The following ZNF595 variants were observed in gnomAD, a reference collection of about 807,000 sequenced individuals.
The protein encoded by ZNF595 is zinc finger protein 595.
Under a neutral mutation model 19.4 loss-of-function variants are expected in ZNF595, and 9 were observed. The observed-to-expected ratio is 0.46, with a 90% CI of 0.28 to 0.81. ZNF595 has a LOEUF of 0.81. Ranked by LOEUF, ZNF595 falls within the 30% of genes least tolerant of loss-of-function variation. The probability of loss-of-function intolerance (pLI) is 0.11; values close to 1 mark genes in which losing one functional copy is unlikely to be tolerated. For synonymous variants in ZNF595, 255 were observed against 255.9 expected (o/e 1.00, Z 0.03); for missense variants, 729 against 736.0 (o/e 0.99, Z 0.11).
intron 3 of ZNF595, among the ~76,000 whole-genome samples, chr4:78,713 T>TTTTC (rs1302235351): frequency 6.6e-6 from 1 of 152,168 alleles, no homozygotes; most frequent in Admixed American, 6.5e-5. Context: ...AACTTAAACA[T>TTTTC]TTTCTTTCTT....
intron 3 of ZNF595, among the ~76,000 whole-genome samples, chr4:73,337 G>A (rs1043878301): frequency 7.2e-5 from 11 of 152,120 alleles, no homozygotes; most frequent in Admixed American, 2.0e-4. Flanking sequence ...CCTGTTCTTG[G>A]GAGGGACATG....
chr4:82,059 A>G (rs1315606427), intron 3 of ZNF595, among the ~76,000 whole-genome samples: 1 of 152,064 alleles, frequency 6.6e-6, no homozygotes, highest in African/African-American at 2.4e-5. Flanking sequence ...CTAGCTGTTC[A>G]CCTGTATACC....
intron 3 of ZNF595, among the ~76,000 whole-genome samples, chr4:71,680 T>A (rs1035630273): frequency 6.6e-6 from 1 of 152,210 alleles, no homozygotes; most frequent in African/African-American, 2.4e-5. Flanking sequence ...GCACTCTTCT[T>A]GTTTACTTTT....
intron 3 of ZNF595, among the ~76,000 whole-genome samples, chr4:83,058 TACAC>T (rs576837179): frequency 1.3e-5 from 2 of 151,380 alleles, no homozygotes; most frequent in East Asian, 1.9e-4. Context: ...AAGACACACA[TACAC>T]ACACACACAC....
chr4:63,063 C>CA (rs1283326588), intron 3 of ZNF595, among the ~76,000 whole-genome samples: 2 of 95,192 alleles, frequency 2.1e-5, no homozygotes, highest in African/African-American at 9.3e-5. Flanking sequence ...CATGTATTGA[C>CA]AAGACTATAC....
intron 3 of ZNF595, among the ~76,000 whole-genome samples, chr4:84,152 T>G (rs1425586062): frequency 6.6e-6 from 1 of 152,176 alleles, no homozygotes; most frequent in African/African-American, 2.4e-5. Flanking sequence ...TATTTTTATG[T>G]TGCTTATTTA....
In ZNF595 at chr4:62,024, A is replaced by G. The variant is rs1398099997; in HGVS notation, c.226+1871A>G. Among the ~76,000 whole-genome samples, 26 of 131,478 alleles carry G rather than the reference A, an allele frequency of 2.0e-4. 1 individual carries two copies. In the East Asian group the frequency reaches 5.7e-3, roughly 29 times the overall value. The allele number at this position is 131,478 out of a possible 152,430, so 86.3% of individuals were successfully genotyped here. A position where few individuals can be genotyped will look rare whatever the true frequency, so the allele number is the denominator to read the frequency against. On this transcript the variant is annotated intron_variant, in intron 3 of 3. Transcript: ENST00000610261. ...GATAACCATTTTTTTTTTTGTCACAAGAACACTTGAGGTCTACTGTTGTAG... is the reference window on the plus strand; with the variant it reads ...GATAACCATTTTTTTTTTTGTCACAGGAACACTTGAGGTCTACTGTTGTAG...
intron 3 of ZNF595, among the ~76,000 whole-genome samples, chr4:72,069 T>C (rs1180762699): frequency 6.6e-6 from 1 of 152,208 alleles, no homozygotes; most frequent in East Asian, 1.9e-4. Flanking sequence ...TTCCGGCCAG[T>C]ACTGCCACTC....
chr4:77,563 A>G (rs1470606189), intron 3 of ZNF595, among the ~76,000 whole-genome samples: 1 of 152,078 alleles, frequency 6.6e-6, no homozygotes, highest in Non-Finnish European at 1.5e-5. Flanking sequence ...GGAGGTAAAT[A>G]CTTCTCCTGT....
At chr4:73,761 G>A (rs955205440) in intron 3 of ZNF595, among the ~76,000 whole-genome samples, 6 of 152,132 alleles carry the variant, frequency 3.9e-5, no homozygotes, top group Non-Finnish European at 8.8e-5. Context: ...AGTTCTGTGA[G>A]TAGTTTTATC....
At chr4:78,772 G>A (rs539810908) in intron 3 of ZNF595, among the ~76,000 whole-genome samples, 9 of 152,248 alleles carry the variant, frequency 5.9e-5, no homozygotes, top group African/African-American at 1.7e-4. Flanking sequence ...AAGCTGGAGT[G>A]CAGTGGTGCG....
chr4:80,273 C>T (rs1156540802), intron 3 of ZNF595, among the ~76,000 whole-genome samples: 1 of 152,202 alleles, frequency 6.6e-6, no homozygotes, highest in Non-Finnish European at 1.5e-5. Context: ...CCCGCCTCGG[C>T]CTCCCAAAGT....
In ZNF595 at chr4:87,527, C is replaced by T; in HGVS notation, c.*76C>T. The T allele has an allele frequency of 1.5e-6, 2 of 1,303,244 alleles. No homozygotes were observed. The highest frequency in any genetic ancestry group is 4.3e-5 in the South Asian group (2 of 46,748). 80.7% of individuals were successfully genotyped at this position (1,303,244 alleles called of 1,614,324 possible). On this transcript the variant is annotated 3_prime_UTR_variant, in exon 4 of 4. Coordinates refer to ENST00000610261, the MANE Select transcript of ZNF595 (RefSeq NM_182524.4). ...TTGGAGAATATTGCTCCCATATAAACTTGTATTATTTTTCTTATTTTAAAT... is the reference window on the plus strand; with the variant it reads ...TTGGAGAATATTGCTCCCATATAAATTTGTATTATTTTTCTTATTTTAAAT...
Position 78,041 on chromosome 4 carries a change from C to T in ZNF595, c.227-7690C>T, listed in dbSNP as rs549859703. 7.9e-5 allele frequency among the ~76,000 whole-genome samples: 12 copies of T among 152,316 alleles called. 1 individual carries two copies. The South Asian group carries it at 2.5e-3, about 32-fold the overall frequency. On this transcript the variant is annotated intron_variant, in intron 3 of 3. Coordinates refer to ENST00000610261, the MANE Select transcript of ZNF595 (RefSeq NM_182524.4). Reference sequence around the variant, plus strand: ...GTTTGTTTTTTGAGACGGAGTCTTGCTCTGTCTCCCAGGCTGGAGTGCAGT... The same window carrying T: ...GTTTGTTTTTTGAGACGGAGTCTTGTTCTGTCTCCCAGGCTGGAGTGCAGT...
At chr4:76,838 T>G (rs1413433703) in intron 3 of ZNF595, among the ~76,000 whole-genome samples, 2 of 152,202 alleles carry the variant, frequency 1.3e-5, no homozygotes, top group Admixed American at 6.5e-5. Flanking sequence ...AGGGGTTCCC[T>G]TGTATGAGAA....
chr4:87,307 C>A lies in ZNF595; in HGVS notation c.1803C>A (p.Phe601Leu), dbSNP rs879985331. ...CATGTGAAGAATGTGGCAAAGCCTT[C>A]AATTGGTCCTCATCCCTTACTAAAC... ...PFTCEECGKA[F>L]NWSSSLTKHK... Residue 601 changes from phenylalanine to leucine, a missense_variant, in exon 4 of 4, where the codon TTC (phenylalanine) becomes TTA (leucine). By Grantham distance (22) the Phe-to-Leu change is conservative (BLOSUM62 0). Around this residue, in one of 2 missense-constraint regions of ZNF595, gnomAD observed 729 missense variants for 675.3 expected, o/e 1.08. Coordinates refer to ENST00000610261, the MANE Select transcript of ZNF595 (RefSeq NM_182524.4). 1 of 1,612,544 alleles carries A rather than the reference C, an allele frequency of 6.2e-7. No individual in the cohort carries two copies. The highest frequency in any genetic ancestry group is 8.5e-7 in the Non-Finnish European group (1 of 1,179,478).
intron 3 of ZNF595, among the ~76,000 whole-genome samples, chr4:78,859 A>G: frequency 6.6e-6 from 1 of 152,080 alleles, no homozygotes; most frequent in East Asian, 1.9e-4. Context: ...ATGCCCGGCT[A>G]ATTTTGTATT....
chr4:80,539 T>C (rs1713860862), intron 3 of ZNF595, among the ~76,000 whole-genome samples: 1 of 151,960 alleles, frequency 6.6e-6, no homozygotes. Context: ...ATCACCTGGG[T>C]GCAGACGAGC....
chr4:77,226 C>G (rs1011916467), intron 3 of ZNF595, among the ~76,000 whole-genome samples: 1 of 150,488 alleles, frequency 6.6e-6, no homozygotes, highest in Non-Finnish European at 1.5e-5. Context: ...AAAGCTTTCT[C>G]TAAAATTTTT....
Sources: gnomAD v4.1 joint callset for allele counts (sites outside exome capture counted in the v4.1 genomes callset) on GRCh38, gnomAD v4.1.1 for gene constraint, gnomAD v4.1.1 regional missense constraint, MANE v1.5 for transcripts, NCBI Gene and HGNC (gene_info 2026-07-23, HGNC 2026-07-21) for gene names.